RIC3: variants seen among roughly 807,000 people sequenced by gnomAD.
RIC3 encodes protein RIC-3.
A neutral mutation model predicts 27.3 loss-of-function variants in RIC3; 28 were observed. The observed-to-expected ratio is 1.02, with a 90% confidence interval of 0.76 to 1.41. RIC3 has a LOEUF of 1.41. Among genes scored for constraint, RIC3 ranks in the 40% most tolerant of loss-of-function variants. The pLI is 0.00. For synonymous variants in RIC3, 184 were observed against 160.4 expected, an observed-to-expected ratio of 1.15 and a Z score of -1.11; for missense variants, 501 against 444.7, an observed-to-expected ratio of 1.13 and a Z score of -1.14.
intron 1 of RIC3, among the ~76,000 whole-genome samples, chr11:8,159,663 T>A (rs1252881151): frequency 6.6e-6 from 1 of 152,100 alleles, no homozygotes; most frequent in Non-Finnish European, 1.5e-5. Flanking sequence ...TTTAAATGAC[T>A]AAGACATTTA....
At chr11:8,144,165 C>T (rs1345511286) in intron 1 of RIC3, among the ~76,000 whole-genome samples, 1 of 152,078 alleles carries the variant, frequency 6.6e-6, no homozygotes, top group Non-Finnish European at 1.5e-5. Flanking sequence ...CAACAAAAGA[C>T]AAAATTGTCA....
rs113821908 is a variant in RIC3 at position 8,148,893 on chromosome 11, G to A, written c.125-8700C>T. Among the ~76,000 whole-genome samples, 1,119 of 151,914 alleles carry A rather than the reference G, an allele frequency of 7.4e-3. 11 individuals are homozygous for A. The highest frequency in any genetic ancestry group is 0.026 in the African/African-American group (1,070 of 41,448). On this transcript the variant is annotated intron_variant, in intron 1 of 5. Transcript: ENST00000309737. ...GCAAAATCTTTCTTTAAAAAAAAGA[G>A]GAGTTGGCTGGGCGCAGTGGCTCAC...
chr11:8,137,252 G>A, intron 4 of RIC3, 126 bp downstream of exon 4: 1 of 734,216 alleles, frequency 1.4e-6, no homozygotes, highest in Non-Finnish European at 2.3e-6. Context: ...TCAAACTCCT[G>A]ACCTCAGATG....
intron 5 of RIC3, among the ~76,000 whole-genome samples, chr11:8,114,329 C>T (rs955219763): frequency 1.1e-4 from 17 of 152,132 alleles, no homozygotes; most frequent in African/African-American, 2.9e-4. Flanking sequence ...TACGGCCGGG[C>T]GTGATGGCTC....
chr11:8,153,699 T>G (rs958099031), intron 1 of RIC3, among the ~76,000 whole-genome samples: 1 of 152,208 alleles, frequency 6.6e-6, no homozygotes, highest in Non-Finnish European at 1.5e-5. Context: ...AAATGTGTAC[T>G]TCTAGTTCTG....
intron 4 of RIC3, among the ~76,000 whole-genome samples, chr11:8,133,570 C>T (rs1269444663): frequency 6.6e-6 from 1 of 152,178 alleles, no homozygotes; most frequent in African/African-American, 2.4e-5. Flanking sequence ...TATTACACAA[C>T]CTTTGCCATG....
At chr11:8,163,736 T>G (rs1951410232) in intron 1 of RIC3, among the ~76,000 whole-genome samples, 1 of 151,472 alleles carries the variant, frequency 6.6e-6, no homozygotes, top group African/African-American at 2.4e-5. Context: ...GTTCATAGAT[T>G]GAAAGATTTA....
intron 5 of RIC3, among the ~76,000 whole-genome samples, chr11:8,124,872 G>T (rs1170520144): frequency 6.6e-6 from 1 of 152,124 alleles, no homozygotes; most frequent in Non-Finnish European, 1.5e-5. Flanking sequence ...ATAGATCACA[G>T]GCCTAAATGT....
intron 1 of RIC3, among the ~76,000 whole-genome samples, chr11:8,145,594 G>A (rs1343867733): frequency 5.9e-5 from 9 of 152,156 alleles, no homozygotes; most frequent in Non-Finnish European, 1.3e-4. Context: ...GGGTGAAAAA[G>A]GGACTCTTGA....
the RIC3 span, chr11:8,095,476 C>T: frequency 2.9e-5 from 46 of 1,593,802 alleles, no homozygotes; most frequent in Admixed American, 6.4e-4. Context: ...GGATGTAACT[C>T]AGGCGTGTCC....
At chr11:8,104,931 T>TTG (rs1944479714), downstream of RIC3, 1 of 132,982 alleles carries the variant, frequency 7.5e-6, no homozygotes, top group African/African-American at 2.9e-5. Context: ...CAGAAGGTTG[T>TTG]TTTTTTTTTT....
chr11:8,168,819 G>C, intron 1 of RIC3, 47 bp downstream of exon 1: 1 of 1,582,702 alleles, frequency 6.3e-7, no homozygotes, highest in Non-Finnish European at 8.6e-7. Flanking sequence ...AGCGTTCTCC[G>C]TACTCTTCGG....
intron 1 of RIC3, among the ~76,000 whole-genome samples, chr11:8,145,685 C>T (rs2134013486): frequency 6.6e-6 from 1 of 151,870 alleles, no homozygotes; most frequent in Middle Eastern, 3.4e-3. Context: ...AATTTTCTTG[C>T]ATTTTTTTTT....
At chr11:8,151,252 T>A (rs990092048) in intron 1 of RIC3, among the ~76,000 whole-genome samples, 1 of 152,130 alleles carries the variant, frequency 6.6e-6, no homozygotes, top group Non-Finnish European at 1.5e-5. Flanking sequence ...TGAAAAGGGT[T>A]AGTATCCAAA....
chr11:8,121,454 G>A (rs1049862032), intron 5 of RIC3, among the ~76,000 whole-genome samples: 3 of 151,914 alleles, frequency 2.0e-5, no homozygotes, highest in Non-Finnish European at 4.4e-5. Context: ...AGTGGCTCAC[G>A]TCTGTAATCC....
the RIC3 span, chr11:8,100,442 C>T: frequency 6.7e-6 from 9 of 1,345,194 alleles, no homozygotes; most frequent in East Asian, 2.3e-5. Flanking sequence ...CCCGTCCCCC[C>T]CACCTTCTCC....
intron 1 of RIC3, among the ~76,000 whole-genome samples, chr11:8,156,047 C>A (rs1950625294): frequency 6.6e-6 from 1 of 152,172 alleles, no homozygotes; most frequent in South Asian, 2.1e-4. Context: ...TTTTATCAAC[C>A]TCTCCATTCT....
rs1944858335 is a variant in RIC3 at position 8,107,969 on chromosome 11, A to G, written c.*2729T>C. The stretch of plus-strand genomic sequence containing the variant: ...GATTTTGTCATCCTGGGTTGTATAT[A>G]CACATATAACTGTCATCCCCGAAGG... On this transcript the variant is annotated 3_prime_UTR_variant, in exon 6 of 6. Transcript: ENST00000309737. 6.6e-6 allele frequency: 1 copy of G among 152,240 alleles called. No individual in the cohort carries two copies. Among genetic ancestry groups the G allele is most frequent in the Non-Finnish European group, 1.5e-5 (1 of 68,040 alleles). The allele number at this position is 152,240 out of a possible 1,614,324, so 9.4% of individuals were successfully genotyped here.
At chr11:8,114,171 T>G (rs1185047150) in intron 5 of RIC3, among the ~76,000 whole-genome samples, 1 of 152,132 alleles carries the variant, frequency 6.6e-6, no homozygotes, top group Admixed American at 6.5e-5. Flanking sequence ...AAAGCCAGAA[T>G]GCAAAAACCA....
Sources: gnomAD v4.1 joint callset for allele counts (sites outside exome capture counted in the v4.1 genomes callset) on GRCh38, gnomAD v4.1.1 for gene constraint, MANE v1.5 for transcripts, NCBI Gene and HGNC (gene_info 2026-07-23, HGNC 2026-07-21) for gene names.